EXOC4: variants seen among roughly 807,000 people sequenced by gnomAD.
The protein encoded by EXOC4 is exocyst complex component 4.
EXOC4 carries 71 observed loss-of-function variants against 107.2 expected under a neutral mutation model. The ratio of observed to expected loss-of-function variants is 0.66; its 90% confidence interval spans 0.55 to 0.81. EXOC4 has a LOEUF of 0.81. Among genes scored for constraint, EXOC4 ranks in the 30% least tolerant of loss-of-function variants. EXOC4 has a pLI of 0.00. For missense variants in EXOC4, 1,108 were observed against 1,189.6 expected (o/e 0.93, Z 1.01); for synonymous variants, 456 against 441.2 (o/e 1.03, Z -0.42).
intron 10 of EXOC4, among the ~76,000 whole-genome samples, chr7:133,789,830 G>T (rs1016965392): frequency 6.6e-6 from 1 of 152,062 alleles, no homozygotes; most frequent in Non-Finnish European, 1.5e-5. Flanking sequence ...TATATACAAG[G>T]TGTGCATTTT....
intron 15 of EXOC4, among the ~76,000 whole-genome samples, chr7:134,001,418 A>G (rs142671605): frequency 6.6e-6 from 1 of 152,262 alleles, no homozygotes; most frequent in East Asian, 1.9e-4. Flanking sequence ...CAGAATTTAA[A>G]TTTAAAAAAA....
chr7:133,756,864 C>T (rs1190650982), intron 10 of EXOC4, among the ~76,000 whole-genome samples: 1 of 152,162 alleles, frequency 6.6e-6, no homozygotes, highest in East Asian at 1.9e-4. Flanking sequence ...TTCAATATAT[C>T]TGGATCTGAT....
At chr7:133,751,714 A>G (rs1408420340) in intron 10 of EXOC4, among the ~76,000 whole-genome samples, 1 of 152,078 alleles carries the variant, frequency 6.6e-6, no homozygotes, top group Non-Finnish European at 1.5e-5. Context: ...TTGTCTTAAA[A>G]CTGTGAAACA....
At chr7:134,046,692 G>A (rs1037874259) in intron 17 of EXOC4, among the ~76,000 whole-genome samples, 2 of 151,966 alleles carry the variant, frequency 1.3e-5, no homozygotes, top group African/African-American at 4.8e-5. Context: ...GGTTCCCAGG[G>A]AAAACAAAGC....
At chr7:133,453,280 A>T (rs540457635) in intron 7 of EXOC4, among the ~76,000 whole-genome samples, 1 of 152,204 alleles carries the variant, frequency 6.6e-6, no homozygotes, top group Non-Finnish European at 1.5e-5. Flanking sequence ...TAGGCATGGA[A>T]TATAGTAGAA....
At chr7:133,953,847 T>C (rs1196697937) in intron 14 of EXOC4, among the ~76,000 whole-genome samples, 1 of 152,166 alleles carries the variant, frequency 6.6e-6, no homozygotes, top group Admixed American at 6.5e-5. Context: ...CATGAGACCA[T>C]TTATGTATGC....
chr7:133,320,097 G>T (rs1027503397), intron 5 of EXOC4, among the ~76,000 whole-genome samples: 39 of 152,106 alleles, frequency 2.6e-4, no homozygotes, highest in African/African-American at 8.5e-4. Context: ...TTGACAAGTG[G>T]TTGTGATTTC....
chr7:134,081,951 C>A, the EXOC4 span, among the ~76,000 whole-genome samples: 1 of 152,142 alleles, frequency 6.6e-6, no homozygotes, highest in Non-Finnish European at 1.5e-5. Flanking sequence ...TGTGAACCCT[C>A]TTTGTTCCAG....
At chr7:133,621,086 G>A (rs1487344857) in intron 9 of EXOC4, among the ~76,000 whole-genome samples, 1 of 152,134 alleles carries the variant, frequency 6.6e-6, no homozygotes, top group African/African-American at 2.4e-5. Context: ...GCTGCTAATG[G>A]ATCCTCCTTT....
intron 12 of EXOC4, among the ~76,000 whole-genome samples, chr7:133,907,607 G>A (rs1047360495): frequency 2.2e-4 from 33 of 152,184 alleles, no homozygotes; most frequent in African/African-American, 7.2e-4. Flanking sequence ...GGTGGCCTAG[G>A]TGGGTGGATC....
intron 11 of EXOC4, among the ~76,000 whole-genome samples, chr7:133,870,997 A>C (rs1464598434): frequency 2.6e-5 from 4 of 152,220 alleles, no homozygotes; most frequent in African/African-American, 4.8e-5. Flanking sequence ...CCAGGGAGCT[A>C]GTTGTCAAAT....
intron 14 of EXOC4, among the ~76,000 whole-genome samples, chr7:133,963,688 C>T (rs1370962834): frequency 2.6e-5 from 4 of 152,190 alleles, no homozygotes; most frequent in East Asian, 3.8e-4. Flanking sequence ...CAGAGAAGAA[C>T]GTGAAATTGG....
At chr7:133,938,988 G>A (rs1180408685) in intron 14 of EXOC4, among the ~76,000 whole-genome samples, 4 of 152,088 alleles carry the variant, frequency 2.6e-5, no homozygotes, top group African/African-American at 7.2e-5. Context: ...GGGCTCAAGC[G>A]ATCCACCTGC....
At chr7:133,521,314 A>G (rs908234437) in intron 9 of EXOC4, among the ~76,000 whole-genome samples, 1 of 152,202 alleles carries the variant, frequency 6.6e-6, no homozygotes, top group African/African-American at 2.4e-5. Flanking sequence ...CTCCCAAAGC[A>G]CAGGAGAAAA....
chr7:133,577,913 A>T (rs1801168520), intron 9 of EXOC4, among the ~76,000 whole-genome samples: 1 of 152,212 alleles, frequency 6.6e-6, no homozygotes, highest in South Asian at 2.1e-4. Context: ...ATTTGGAAGG[A>T]CATTATTGTG....
At chr7:133,393,946 C>T (rs1796913390) in intron 7 of EXOC4, among the ~76,000 whole-genome samples, 1 of 152,084 alleles carries the variant, frequency 6.6e-6, no homozygotes, top group Non-Finnish European at 1.5e-5. Context: ...TGCTATATTC[C>T]CAGGAGACCA....
intron 10 of EXOC4, among the ~76,000 whole-genome samples, chr7:133,736,140 A>G (rs1795440287): frequency 6.6e-6 from 1 of 151,970 alleles, no homozygotes; most frequent in Non-Finnish European, 1.5e-5. Context: ...CTTTCTTTCT[A>G]CTTACAAGCA....
intron 11 of EXOC4, among the ~76,000 whole-genome samples, chr7:133,855,053 A>ATATATCTAAATATATCTAAC (rs1798321650): frequency 1.5e-5 from 1 of 64,736 alleles, no homozygotes; most frequent in East Asian, 4.1e-4. Flanking sequence ...ATATATCTAA[A>ATATATCTAAATATATCTAAC]TATATCTAAA....
intron 10 of EXOC4, among the ~76,000 whole-genome samples, chr7:133,725,939 G>T (rs1298923969): frequency 2.6e-5 from 4 of 152,148 alleles, no homozygotes; most frequent in African/African-American, 9.7e-5. Context: ...TAACTTAAAG[G>T]TGTTTGGACT....
Sources: allele counts gnomAD v4.1 joint callset (sites outside exome capture counted in the v4.1 genomes callset), GRCh38; gene constraint gnomAD v4.1.1; transcripts MANE v1.5; gene names NCBI Gene and HGNC (gene_info 2026-07-23, HGNC 2026-07-21).